Variants in CDK19 observed in about 807,000 individuals in gnomAD.
CDK19 encodes the protein cyclin dependent kinase 19.
Under a neutral mutation model 68.3 loss-of-function variants are expected in CDK19, and 20 were observed. The observed-to-expected ratio is 0.29, with a 90% CI of 0.21 to 0.43. The LOEUF (loss-of-function observed/expected upper bound fraction) is 0.43. CDK19 is among the 20% of genes least tolerant of loss of function. The pLI is 1.00. For synonymous variants in CDK19, 221 were observed against 222.8 expected, an observed-to-expected ratio of 0.99 and a Z score of 0.07; for missense variants, 339 against 623.5, an observed-to-expected ratio of 0.54 and a Z score of 4.86.
intron 2 of CDK19, among the ~76,000 whole-genome samples, chr6:110,737,108 G>A (rs1777301467): frequency 1.3e-5 from 2 of 152,170 alleles, no homozygotes; most frequent in African/African-American, 4.8e-5. Context: ...TACCACAAGA[G>A]CCTAAAGGTT....
chr6:110,618,422 T>C (rs903763247), intron 12 of CDK19, among the ~76,000 whole-genome samples: 7 of 152,178 alleles, frequency 4.6e-5, no homozygotes, highest in Admixed American at 3.3e-4. Context: ...CATGAGCCAC[T>C]GTCCCCAGCC....
At chr6:110,666,721 T>G (rs972145975) in intron 4 of CDK19, among the ~76,000 whole-genome samples, 2 of 152,156 alleles carry the variant, frequency 1.3e-5, no homozygotes, top group African/African-American at 4.8e-5. Flanking sequence ...AATCACGTTG[T>G]GGGGCCAAAA....
At chr6:110,744,774 C>G (rs972534370) in intron 2 of CDK19, among the ~76,000 whole-genome samples, 3 of 152,134 alleles carry the variant, frequency 2.0e-5, no homozygotes, top group African/African-American at 7.2e-5. Flanking sequence ...CCTAATAGTT[C>G]CCTTATTTAA....
At chr6:110,642,962 C>T (rs891107366) in intron 4 of CDK19, among the ~76,000 whole-genome samples, 13 of 152,246 alleles carry the variant, frequency 8.5e-5, no homozygotes, top group African/African-American at 2.9e-4. Context: ...ACTTTACCCT[C>T]ACTCCAAATA....
chr6:110,735,616 C>A (rs916387761), intron 2 of CDK19, among the ~76,000 whole-genome samples: 2 of 152,130 alleles, frequency 1.3e-5, no homozygotes, highest in Admixed American at 6.6e-5. Flanking sequence ...ATTAATAATT[C>A]TTCTAAATCA....
intron 1 of CDK19, among the ~76,000 whole-genome samples, chr6:110,808,820 T>C (rs187191146): frequency 2.0e-4 from 30 of 152,308 alleles, no homozygotes; most frequent in Admixed American, 1.8e-3. Flanking sequence ...GAAGACAGAT[T>C]ACTAGTCTAG....
At chr6:110,644,871 A>C (rs1468457579) in intron 4 of CDK19, among the ~76,000 whole-genome samples, 8 of 152,190 alleles carry the variant, frequency 5.3e-5, no homozygotes. Flanking sequence ...AAAAATTTCA[A>C]AACAAATTAG....
At chr6:110,737,238 T>TAC (rs1456857011) in intron 2 of CDK19, among the ~76,000 whole-genome samples, 4 of 152,036 alleles carry the variant, frequency 2.6e-5, no homozygotes, top group Admixed American at 1.3e-4. Context: ...CACACACAAA[T>TAC]ACACACACAC....
chr6:110,800,195 G>A (rs1236921745), intron 1 of CDK19, among the ~76,000 whole-genome samples: 1 of 152,136 alleles, frequency 6.6e-6, no homozygotes, highest in Non-Finnish European at 1.5e-5. Flanking sequence ...AGTGGGAAAG[G>A]TGTATTACTT....
chr6:110,778,228 T>C (rs750344026), intron 1 of CDK19, among the ~76,000 whole-genome samples: 2 of 152,196 alleles, frequency 1.3e-5, no homozygotes, highest in Non-Finnish European at 2.9e-5. Context: ...AATAAAATTA[T>C]TTCATCTCCC....
chr6:110,722,330 T>A (rs960370969), intron 2 of CDK19: 4 of 152,018 alleles, frequency 2.6e-5, no homozygotes, highest in Non-Finnish European at 5.9e-5. Flanking sequence ...CCAATTTTAG[T>A]GCTGCCAAAA....
At chr6:110,789,656 C>T (rs1416779438) in intron 1 of CDK19, among the ~76,000 whole-genome samples, 1 of 152,120 alleles carries the variant, frequency 6.6e-6, no homozygotes, top group Admixed American at 6.6e-5. Flanking sequence ...GGAATTCTTC[C>T]AGCTTGGCCT....
intron 1 of CDK19, among the ~76,000 whole-genome samples, chr6:110,802,814 G>A (rs188174268): frequency 7.4e-4 from 113 of 152,242 alleles, no homozygotes; most frequent in African/African-American, 2.6e-3. Context: ...AATTAAAATA[G>A]AAGCAATAAA....
chr6:110,705,567 C>T (rs1238347403), intron 2 of CDK19, among the ~76,000 whole-genome samples: 1 of 152,084 alleles, frequency 6.6e-6, no homozygotes, highest in Non-Finnish European at 1.5e-5. Context: ...ACATTATAAG[C>T]GTCTGAAAAA....
At chr6:110,759,683 T>C (rs938686779) in intron 1 of CDK19, among the ~76,000 whole-genome samples, 3 of 151,840 alleles carry the variant, frequency 2.0e-5, no homozygotes, top group African/African-American at 7.3e-5. Flanking sequence ...TTTCCTTCTT[T>C]ATGCTTATCT....
At chr6:110,768,992 A>C (rs1429865347) in intron 1 of CDK19, among the ~76,000 whole-genome samples, 1 of 151,164 alleles carries the variant, frequency 6.6e-6, no homozygotes, top group Non-Finnish European at 1.5e-5. Context: ...ATCTCTACTA[A>C]AAATACAGAA....
intron 1 of CDK19, among the ~76,000 whole-genome samples, chr6:110,750,554 G>T (rs1453325571): frequency 6.6e-6 from 1 of 152,104 alleles, no homozygotes; most frequent in Non-Finnish European, 1.5e-5. Flanking sequence ...TAAGAACAAG[G>T]TTCATATCAG....
chr6:110,769,851 C>T (rs3021293), intron 1 of CDK19, among the ~76,000 whole-genome samples: 5,014 of 152,028 alleles, frequency 0.033, 259 homozygotes, highest in African/African-American at 0.12. Flanking sequence ...GTCAGATTAG[C>T]TAAACAAATA....
intron 1 of CDK19, among the ~76,000 whole-genome samples, chr6:110,749,643 TA>T (rs1333310234): frequency 1.3e-5 from 2 of 151,834 alleles, no homozygotes; most frequent in African/African-American, 4.8e-5. Flanking sequence ...TACAGGCCTG[TA>T]CCACCGCGCC....
Sources: gnomAD v4.1 joint callset for allele counts (sites outside exome capture counted in the v4.1 genomes callset) on GRCh38, gnomAD v4.1.1 for gene constraint, MANE v1.5 for transcripts, NCBI Gene and HGNC (gene_info 2026-07-23, HGNC 2026-07-21) for gene names.